Variants in MARCHF1 observed in about 807,000 individuals in gnomAD.
MARCHF1 encodes membrane associated ring-CH-type finger 1, also known as E3 ubiquitin-protein ligase MARCHF1.
MARCHF1 carries 40 observed loss-of-function variants against 54.2 expected under a neutral mutation model. The ratio of observed to expected loss-of-function variants is 0.74; its 90% CI spans 0.57 to 0.96. The LOEUF (loss-of-function observed/expected upper bound fraction) is 0.96, where lower values mean the gene tolerates loss of function less well. MARCHF1 is among the 40% of genes least tolerant of loss of function. The pLI is 0.00. For missense variants in MARCHF1, 586 were observed against 656.5 expected (o/e 0.89, Z 1.17); for synonymous variants, 236 against 236.3 (o/e 1.00, Z 0.01).
intron 3 of MARCHF1, among the ~76,000 whole-genome samples, chr4:163,883,256 TATGA>T (rs1463049800): frequency 3.3e-5 from 1 of 30,400 alleles, no homozygotes; most frequent in African/African-American, 6.5e-5. Flanking sequence ...TATATATATA[TATGA>T]GAGAGAGAGA....
chr4:164,040,035 T>C (rs1345768518), intron 2 of MARCHF1, among the ~76,000 whole-genome samples: 1 of 146,904 alleles, frequency 6.8e-6, no homozygotes, highest in Non-Finnish European at 1.5e-5. Flanking sequence ...AATTTATATA[T>C]ACAAGCATAA....
At position 163,613,373 on chromosome 4, in the gene MARCHF1, C is replaced by T. The variant is rs759004016; in HGVS notation, c.183G>A (p.Gly61=). 1.5e-5 allele frequency: 24 copies of T among 1,613,250 alleles called. No homozygotes were observed. In the East Asian group the frequency reaches 5.4e-4, roughly 36 times the overall value. Residue 61 remains glycine, a synonymous_variant, in exon 6 of 10, where the codon GGG becomes GGA. Coordinates refer to ENST00000514618, the MANE Select transcript of MARCHF1 (RefSeq NM_001394959.1). ...NISKASSPTT[G]TAPRSQSRLS... ...ACCTTGACTGGCTCCTGGGAGCTGT[C>T]CCTGTTGTTGGGCTGCTTGCCTGGA... is the stretch of plus-strand genomic sequence containing the variant.
At chr4:163,639,699 C>T (rs13123027) in intron 5 of MARCHF1, among the ~76,000 whole-genome samples, 59,234 of 151,888 alleles carry the variant, frequency 0.39, 12,383 homozygotes, top group East Asian at 0.59. Context: ...ACTATTTGGA[C>T]TTTCAGACAG....
intron 1 of MARCHF1, among the ~76,000 whole-genome samples, chr4:164,144,608 G>T (rs1231328299): frequency 6.8e-6 from 1 of 148,072 alleles, no homozygotes; most frequent in African/African-American, 2.6e-5. Flanking sequence ...AAATAAAGAT[G>T]TTCTTTGAAA....
chr4:163,860,935 T>C (rs1421607530), intron 3 of MARCHF1, among the ~76,000 whole-genome samples: 1 of 152,130 alleles, frequency 6.6e-6, no homozygotes, highest in Non-Finnish European at 1.5e-5. Context: ...TTACGAAGCA[T>C]GCTAGAAAGC....
At chr4:164,197,218 T>C (rs1382172516) in intron 1 of MARCHF1, 2 of 1,610,182 alleles carry the variant, frequency 1.2e-6, no homozygotes, top group Non-Finnish European at 1.7e-6. Flanking sequence ...CTCCTCCTCG[T>C]CATCCAGGCC....
intron 1 of MARCHF1, among the ~76,000 whole-genome samples, chr4:164,181,078 T>C (rs1303289130): frequency 6.6e-6 from 1 of 152,182 alleles, no homozygotes; most frequent in Non-Finnish European, 1.5e-5. Context: ...AACAAAATCT[T>C]AGTAGGTCTT....
intron 1 of MARCHF1, among the ~76,000 whole-genome samples, chr4:164,243,861 A>G (rs1041221429): frequency 2.6e-5 from 4 of 151,510 alleles, no homozygotes; most frequent in African/African-American, 7.2e-5. Flanking sequence ...GAGACAAAGA[A>G]GGCCATTACA....
chr4:163,678,873 C>A (rs762045598), intron 5 of MARCHF1, among the ~76,000 whole-genome samples: 3 of 152,188 alleles, frequency 2.0e-5, no homozygotes, highest in Non-Finnish European at 4.4e-5. Flanking sequence ...ACAGTAATTT[C>A]ACTAGGTGTA....
At chr4:163,681,370 C>A (rs1341446870) in intron 5 of MARCHF1, among the ~76,000 whole-genome samples, 1 of 152,198 alleles carries the variant, frequency 6.6e-6, no homozygotes, top group Non-Finnish European at 1.5e-5. Flanking sequence ...GTTTTCAGAA[C>A]TGGCATGTAC....
chr4:163,973,949 T>C (rs2110846608), intron 3 of MARCHF1, among the ~76,000 whole-genome samples: 1 of 152,282 alleles, frequency 6.6e-6, no homozygotes, highest in East Asian at 1.9e-4. Flanking sequence ...AAAAATAAGG[T>C]AATACAGTAA....
intron 3 of MARCHF1, among the ~76,000 whole-genome samples, chr4:163,882,142 A>G (rs989393579): frequency 6.6e-6 from 1 of 152,222 alleles, no homozygotes; most frequent in Non-Finnish European, 1.5e-5. Flanking sequence ...GCAGAGATTA[A>G]TGGAAATTTT....
chr4:163,882,179 T>C (rs939446910), intron 3 of MARCHF1, among the ~76,000 whole-genome samples: 41 of 152,232 alleles, frequency 2.7e-4, no homozygotes, highest in Non-Finnish European at 1.3e-4. Context: ...AAAGTCTTTT[T>C]AAAAAGTTCA....
intron 2 of MARCHF1, among the ~76,000 whole-genome samples, chr4:164,020,596 C>T (rs925066202): frequency 6.6e-6 from 1 of 152,194 alleles, no homozygotes; most frequent in South Asian, 2.1e-4. Context: ...TTATAATAAG[C>T]TCTGGAAAAG....
chr4:164,171,768 G>A (rs569066389), intron 1 of MARCHF1, among the ~76,000 whole-genome samples: 2 of 152,202 alleles, frequency 1.3e-5, no homozygotes, highest in African/African-American at 2.4e-5. Context: ...AAACTGGGCT[G>A]AGGAAGAAAA....
chr4:164,094,017 C>A (rs185528213), intron 2 of MARCHF1, among the ~76,000 whole-genome samples: 1 of 152,072 alleles, frequency 6.6e-6, no homozygotes, highest in Non-Finnish European at 1.5e-5. Context: ...CCAAATTTCA[C>A]CTCTCTAGGT....
intron 3 of MARCHF1, among the ~76,000 whole-genome samples, chr4:163,985,717 G>A (rs1009158510): frequency 6.6e-6 from 1 of 152,002 alleles, no homozygotes; most frequent in Non-Finnish European, 1.5e-5. Context: ...ATTCAAATGA[G>A]TTTTTAATTT....
chr4:164,342,739 A>G (rs1365801908), intron 1 of MARCHF1, among the ~76,000 whole-genome samples: 1 of 152,104 alleles, frequency 6.6e-6, no homozygotes, highest in Non-Finnish European at 1.5e-5. Flanking sequence ...GAATGGACAA[A>G]GAAAATACGG....
At chr4:164,274,083 C>T (rs563121782) in intron 1 of MARCHF1, among the ~76,000 whole-genome samples, 7 of 151,832 alleles carry the variant, frequency 4.6e-5, no homozygotes, top group South Asian at 2.1e-4. Flanking sequence ...AAAATGTCTC[C>T]GGCAATAAAT....
Sources: allele counts gnomAD v4.1 joint callset (sites outside exome capture counted in the v4.1 genomes callset), GRCh38; gene constraint gnomAD v4.1.1; transcripts MANE v1.5; gene names NCBI Gene and HGNC (gene_info 2026-07-23, HGNC 2026-07-21).